The following RAPGEF6 variants were observed in gnomAD, a reference collection of about 807,000 sequenced individuals.
RAPGEF6 encodes the protein PDZ domain containing guanine nucleotide exchange factor (GEF) 2.
In RAPGEF6, 56 loss-of-function variants were observed where a neutral mutation model predicts 171.4. The ratio of observed to expected loss-of-function variants is 0.33; its 90% CI spans 0.26 to 0.41. The LOEUF is 0.41. Ranked by LOEUF, RAPGEF6 falls within the 10% of genes least tolerant of loss-of-function variation. The probability of loss-of-function intolerance (pLI) is 1.00; values close to 1 mark genes in which losing one functional copy is unlikely to be tolerated. For synonymous variants in RAPGEF6, 692 were observed against 650.1 expected, an observed-to-expected ratio of 1.06 and a Z score of -0.98; for missense variants, 1,674 against 1,921.4, an observed-to-expected ratio of 0.87 and a Z score of 2.41.
chr5:131,549,606 G>C (rs1041394502), intron 5 of RAPGEF6, among the ~76,000 whole-genome samples: 1 of 152,092 alleles, frequency 6.6e-6, no homozygotes, highest in Non-Finnish European at 1.5e-5. Flanking sequence ...TGCTACCAGG[G>C]ATGCTGGGGC....
chr5:131,486,207 G>A (rs1755878254), intron 15 of RAPGEF6, among the ~76,000 whole-genome samples: 2 of 152,114 alleles, frequency 1.3e-5, no homozygotes, highest in South Asian at 4.1e-4. Flanking sequence ...AGTTTATCAA[G>A]GAGCTCCTCT....
intron 16 of RAPGEF6, among the ~76,000 whole-genome samples, chr5:131,473,580 A>G (rs1754897653): frequency 6.6e-6 from 1 of 152,202 alleles, no homozygotes. Flanking sequence ...AACTACTTCT[A>G]AGGGTTGTAC....
intron 13 of RAPGEF6, among the ~76,000 whole-genome samples, chr5:131,493,071 A>ATTTT: frequency 6.6e-6 from 1 of 151,926 alleles, no homozygotes; most frequent in East Asian, 1.9e-4. Context: ...TTATTTATTT[A>ATTTT]TTTATTTTTT....
intron 1 of RAPGEF6, among the ~76,000 whole-genome samples, chr5:131,615,327 C>T (rs1287189748): frequency 1.3e-5 from 2 of 152,130 alleles, no homozygotes; most frequent in Non-Finnish European, 2.9e-5. Flanking sequence ...GGGGTTATGG[C>T]ATTTTGTTTA....
chr5:131,603,443 C>T (rs926694423), intron 2 of RAPGEF6, 116 bp from the exon 3 acceptor site: 1 of 658,816 alleles, frequency 1.5e-6, no homozygotes, highest in Non-Finnish European at 2.6e-6. Flanking sequence ...CCAAATCTAC[C>T]AGTATGTTGT....
Position 131,424,887 on chromosome 5 carries a change from T to A in RAPGEF6, c.*2379A>T, listed in dbSNP as rs540628131. ...AGGGCACTAGTCTCTTCATTAAGAT[T>A]ATAAATTTATAAAACAAAAACAAAT... On this transcript the variant is annotated 3_prime_UTR_variant, in exon 28 of 28. Transcript: ENST00000509018. The A allele has an allele frequency of 6.6e-6, 1 of 152,336 alleles. No individual in the cohort carries two copies. Among genetic ancestry groups the A allele is most frequent in the African/African-American group, 2.4e-5 (1 of 41,464 alleles). 9.4% of individuals were successfully genotyped at this position (152,336 alleles called of 1,614,324 possible).
At chr5:131,441,751 A>G (rs994715701) in intron 23 of RAPGEF6, among the ~76,000 whole-genome samples, 5 of 152,218 alleles carry the variant, frequency 3.3e-5, no homozygotes, top group African/African-American at 9.6e-5. Flanking sequence ...TCTACTAAAC[A>G]TATACTACAT....
intron 9 of RAPGEF6, among the ~76,000 whole-genome samples, chr5:131,507,719 CAAT>C (rs571187163): frequency 2.6e-3 from 390 of 152,114 alleles, no homozygotes; most frequent in Non-Finnish European, 4.5e-3. Flanking sequence ...ACATTTTAAA[CAAT>C]AATGATATAA....
chr5:131,566,504 G>A (rs903461584), intron 4 of RAPGEF6, among the ~76,000 whole-genome samples: 3 of 151,980 alleles, frequency 2.0e-5, no homozygotes, highest in South Asian at 2.1e-4. Flanking sequence ...AACAATTTCC[G>A]CATGTATATT....
intron 1 of RAPGEF6, among the ~76,000 whole-genome samples, chr5:131,607,395 C>T (rs1170493677): frequency 6.6e-6 from 1 of 152,212 alleles, no homozygotes; most frequent in African/African-American, 2.4e-5. Context: ...CCTGCAGTCT[C>T]AGCCATAATA....
chr5:131,435,756 G>C, intron 24 of RAPGEF6: 1 of 1,135,186 alleles, frequency 8.8e-7, no homozygotes, highest in East Asian at 2.9e-5. Flanking sequence ...GTCAACTACA[G>C]AAAACAAGAG....
At chr5:131,583,824 G>A (rs1561582249) in intron 4 of RAPGEF6, among the ~76,000 whole-genome samples, 1 of 152,146 alleles carries the variant, frequency 6.6e-6, no homozygotes, top group African/African-American at 2.4e-5. Context: ...TGGTTTTCCT[G>A]TTAACATCCA....
At chr5:131,616,438 T>C (rs1484199090) in intron 1 of RAPGEF6, among the ~76,000 whole-genome samples, 1 of 152,198 alleles carries the variant, frequency 6.6e-6, no homozygotes, top group Non-Finnish European at 1.5e-5. Context: ...TAGTTTACAA[T>C]GTTATGCCAA....
intron 23 of RAPGEF6, 54 bp downstream of exon 23, chr5:131,442,295 A>T: frequency 6.7e-7 from 1 of 1,484,082 alleles, no homozygotes; most frequent in East Asian, 2.3e-5. Context: ...TTTTCACTCT[A>T]ACTCCCCTGG....
At chr5:131,532,654 T>C (rs938067706) in intron 6 of RAPGEF6, among the ~76,000 whole-genome samples, 4 of 152,110 alleles carry the variant, frequency 2.6e-5, no homozygotes, top group African/African-American at 9.7e-5. Flanking sequence ...TTCTTCTTTA[T>C]ATTCTTAACC....
chr5:131,493,075 A>T lies in RAPGEF6; in HGVS notation c.1528-290T>A, dbSNP rs536024154. Reference sequence around the variant, plus strand: ...TATTTATTTATTTATTTATTTATTTATTTTTTTGAGACGGAGCCTCGCTCT... The same window carrying T: ...TATTTATTTATTTATTTATTTATTTTTTTTTTTGAGACGGAGCCTCGCTCT... On this transcript the variant is annotated intron_variant, in intron 13 of 27. Coordinates refer to ENST00000509018, the MANE Select transcript of RAPGEF6 (RefSeq NM_016340.6). Among the ~76,000 whole-genome samples the T allele has an allele frequency of 3.0e-3, 460 of 151,744 alleles. 9 individuals are homozygous for T. Among genetic ancestry groups the T allele is most frequent in the Non-Finnish European group, 3.4e-3 (234 of 67,874 alleles).
At chr5:131,612,900 G>T (rs541002770) in intron 1 of RAPGEF6, among the ~76,000 whole-genome samples, 16 of 152,178 alleles carry the variant, frequency 1.1e-4, no homozygotes, top group Non-Finnish European at 2.1e-4. Flanking sequence ...AAGTCTGAAA[G>T]AGAATTTCAC....
intron 21 of RAPGEF6, chr5:131,449,921 T>C (rs905221922): frequency 2.4e-6 from 3 of 1,272,822 alleles, no homozygotes; most frequent in African/African-American, 3.0e-5. Context: ...ACAGGGTTAA[T>C]AGAATTCATG....
chr5:131,602,748 C>T (rs1057347654), intron 3 of RAPGEF6, among the ~76,000 whole-genome samples: 14 of 151,952 alleles, frequency 9.2e-5, no homozygotes, highest in South Asian at 2.1e-4. Flanking sequence ...GCGACAAGTG[C>T]GAAACTCCAT....
Sources: allele counts gnomAD v4.1 joint callset (sites outside exome capture counted in the v4.1 genomes callset), GRCh38; gene constraint gnomAD v4.1.1; transcripts MANE v1.5; gene names NCBI Gene and HGNC (gene_info 2026-07-23, HGNC 2026-07-21).